NBAS: variants seen among roughly 807,000 people sequenced by gnomAD.
The protein encoded by NBAS is NAG/BC035112 fusion.
NBAS carries 219 observed loss-of-function variants against 302.5 expected under a neutral mutation model. The observed-to-expected ratio is 0.72, with a 90% CI of 0.65 to 0.81. NBAS has a LOEUF of 0.81. Ranked by LOEUF, NBAS falls within the 30% of genes least tolerant of loss-of-function variation. The pLI is 0.00. For synonymous variants in NBAS, 1,118 were observed against 1,021.6 expected, an observed-to-expected ratio of 1.09 and a Z score of -1.80; for missense variants, 2,932 against 2,841.6, an observed-to-expected ratio of 1.03 and a Z score of -0.72.
intron 30 of NBAS, among the ~76,000 whole-genome samples, chr2:15,377,240 G>A (rs1674786873): frequency 6.6e-6 from 1 of 152,068 alleles, no homozygotes; most frequent in South Asian, 2.1e-4. Flanking sequence ...AGAAAAATAA[G>A]TAAAGGCTAG....
At chr2:14,848,489 G>C in the NBAS span, among the ~76,000 whole-genome samples, 1 of 143,990 alleles carries the variant, frequency 6.9e-6, no homozygotes, top group Non-Finnish European at 1.5e-5. Context: ...AGGCGGCAGC[G>C]AGGCTGGGGG....
intron 12 of NBAS, among the ~76,000 whole-genome samples, chr2:15,478,602 C>T (rs1017155194): frequency 3.9e-5 from 6 of 152,200 alleles, no homozygotes; most frequent in Non-Finnish European, 7.4e-5. Flanking sequence ...CACATGCACA[C>T]ATGTGATGAA....
chr2:15,129,194 C>T, the NBAS span, among the ~76,000 whole-genome samples: 3 of 152,238 alleles, frequency 2.0e-5, no homozygotes, highest in Non-Finnish European at 2.9e-5. Flanking sequence ...AATTAATCCC[C>T]GTAAGGGTGC....
At chr2:15,382,699 C>T (rs1326133634) in intron 29 of NBAS, among the ~76,000 whole-genome samples, 1 of 152,168 alleles carries the variant, frequency 6.6e-6, no homozygotes, top group Non-Finnish European at 1.5e-5. Context: ...CTGGCATCTT[C>T]TATAGCTTTC....
At chr2:15,423,366 T>A (rs1300423536) in intron 23 of NBAS, among the ~76,000 whole-genome samples, 1 of 152,174 alleles carries the variant, frequency 6.6e-6, no homozygotes. Flanking sequence ...ATAATTCATC[T>A]TCAATGCTAT....
chr2:14,864,335 A>AAAAG, the NBAS span, among the ~76,000 whole-genome samples: 3 of 151,524 alleles, frequency 2.0e-5, no homozygotes, highest in African/African-American at 2.4e-5. Context: ...AAAAAAAAAA[A>AAAAG]AAAGAAAGAA....
chr2:14,906,125 A>AG, the NBAS span, among the ~76,000 whole-genome samples: 1 of 152,140 alleles, frequency 6.6e-6, no homozygotes, highest in South Asian at 2.1e-4. Context: ...TAGTAGTAGT[A>AG]TTAGTAGTAG....
downstream of NBAS, among the ~76,000 whole-genome samples, chr2:15,165,492 T>G (rs963863993): frequency 2.6e-5 from 4 of 152,124 alleles, no homozygotes; most frequent in South Asian, 4.1e-4. Flanking sequence ...ATAATAAGTC[T>G]CCTCCAAAGA....
At chr2:15,148,368 T>G in the NBAS span, among the ~76,000 whole-genome samples, 1 of 152,052 alleles carries the variant, frequency 6.6e-6, no homozygotes, top group Non-Finnish European at 1.5e-5. Context: ...AACAAAAACT[T>G]AAGTTGAGGG....
At chr2:15,234,368 C>A (rs1667499882) in intron 46 of NBAS, among the ~76,000 whole-genome samples, 177 bp downstream of exon 46, 1 of 152,164 alleles carries the variant, frequency 6.6e-6, no homozygotes, top group African/African-American at 2.4e-5. Flanking sequence ...AACAATGAAA[C>A]ATTTTCATGG....
intron 6 of NBAS, among the ~76,000 whole-genome samples, chr2:15,542,378 T>C (rs1663889232): frequency 9.1e-6 from 1 of 109,482 alleles, no homozygotes; most frequent in African/African-American, 3.5e-5. Flanking sequence ...CAGGGTTAAA[T>C]GGATTAAGGG....
At position 15,366,709 on chromosome 2, in the gene NBAS, G is replaced by T; in HGVS notation, c.3704-16C>A. On this transcript the variant is annotated splice_polypyrimidine_tract_variant and intron_variant, in intron 31 of 51. Coordinates refer to ENST00000281513, the MANE Select transcript of NBAS (RefSeq NM_015909.4). ...CACAATCGCACTACAAAAGAAAGAC[G>T]TATTAAAGACTTGGACCAGGGACAT... 6.2e-7 allele frequency: 1 copy of T among 1,609,462 alleles called. No individual in the cohort carries two copies. Among genetic ancestry groups the T allele is most frequent in the Non-Finnish European group, 8.5e-7 (1 of 1,175,908 alleles).
the NBAS span, among the ~76,000 whole-genome samples, chr2:15,105,979 C>A: frequency 6.6e-6 from 1 of 152,074 alleles, no homozygotes; most frequent in Non-Finnish European, 1.5e-5. Flanking sequence ...ACTTGAACAA[C>A]GGGATAGCTA....
intron 40 of NBAS, among the ~76,000 whole-genome samples, chr2:15,306,348 T>C (rs184412847): frequency 2.0e-4 from 30 of 152,312 alleles, no homozygotes; most frequent in African/African-American, 6.7e-4. Flanking sequence ...GTTAAAAGAA[T>C]AAAGCATTCC....
intron 21 of NBAS, among the ~76,000 whole-genome samples, chr2:15,453,460 G>T (rs1033155282): frequency 1.3e-5 from 2 of 152,084 alleles, no homozygotes; most frequent in Non-Finnish European, 2.9e-5. Flanking sequence ...AGATTAAATT[G>T]GCATCCTATG....
In NBAS at chr2:15,387,083, A is replaced by ATTTT. The variant is rs58841690; in HGVS notation, c.3258-3770_3258-3767dup. On this transcript the variant is annotated intron_variant, in intron 28 of 51. Transcript: ENST00000281513. ...ATAAATGCACAATTATAAAGTATTA[A>ATTTT]TTTTTTTTTTTTCTGAAGGAGTCGC... Among the ~76,000 whole-genome samples, 84 of 147,480 alleles carry ATTTT rather than the reference A, an allele frequency of 5.7e-4. 1 individual carries two copies. Among genetic ancestry groups the ATTTT allele is most frequent in the African/African-American group, 2.0e-3 (80 of 40,116 alleles).
At chr2:15,140,764 G>A in the NBAS span, among the ~76,000 whole-genome samples, 1 of 152,326 alleles carries the variant, frequency 6.6e-6, no homozygotes, top group East Asian at 1.9e-4. Flanking sequence ...CTAAAAGGTA[G>A]TCATGAGTAA....
chr2:15,518,179 C>T (rs544149373), intron 9 of NBAS, among the ~76,000 whole-genome samples: 2 of 150,268 alleles, frequency 1.3e-5, no homozygotes, highest in Non-Finnish European at 1.5e-5. Flanking sequence ...TGCATCAACC[C>T]ACAAGTGTAG....
At chr2:15,010,625 T>C in the NBAS span, among the ~76,000 whole-genome samples, 2 of 152,308 alleles carry the variant, frequency 1.3e-5, no homozygotes, top group African/African-American at 2.4e-5. Context: ...CCAGTAACCA[T>C]GTGAATCCCC....
Sources: allele counts gnomAD v4.1 joint callset (sites outside exome capture counted in the v4.1 genomes callset), GRCh38; gene constraint gnomAD v4.1.1; transcripts MANE v1.5; gene names NCBI Gene and HGNC (gene_info 2026-07-23, HGNC 2026-07-21).